The following BCAR1 variants were observed in gnomAD, a reference collection of about 807,000 sequenced individuals.
The protein encoded by BCAR1 is breast cancer anti-estrogen resistance protein 1.
Under a neutral mutation model 67.6 loss-of-function variants are expected in BCAR1, and 30 were observed. The ratio of observed to expected loss-of-function variants is 0.44; its 90% confidence interval spans 0.33 to 0.60. BCAR1 has a LOEUF of 0.60. Ranked by LOEUF, BCAR1 falls within the 20% of genes least tolerant of loss-of-function variation. The pLI is 0.02. For synonymous variants in BCAR1, 626 were observed against 556.7 expected (o/e 1.12, Z -1.75); for missense variants, 1,313 against 1,222.3 (o/e 1.07, Z -1.11).
At chr16:75,238,568 C>T in intron 2 of BCAR1, 1 of 989,024 alleles carries the variant, frequency 1.0e-6, no homozygotes, top group Non-Finnish European at 1.2e-6. Context: ...GCGCCAGCAC[C>T]CCCCAGCAGC....
At chr16:75,260,882 A>G (rs1159545830) in intron 1 of BCAR1, among the ~76,000 whole-genome samples, 1 of 152,204 alleles carries the variant, frequency 6.6e-6, no homozygotes, top group African/African-American at 2.4e-5. Context: ...GCTTTCTGGG[A>G]TAATTCTTCC....
rs544526677 is a variant in BCAR1 at position 75,229,539 on chromosome 16, C to T, written c.2585G>A (p.Arg862His). The change falls in exon 7 of 7, where the codon CGC becomes CAC. Residue 862 changes from arginine (R) to histidine (H), a missense_variant. By Grantham distance (29) the Arg-to-His change is conservative. Transcript: ENST00000162330. Reference sequence around the variant, plus strand: ...GGCGGCTGCCAGCTGGCCTAGGACGCGGCGGAACTGCTGGGTGCTGTGGCC... The same window carrying T: ...GGCGGCTGCCAGCTGGCCTAGGACGTGGCGGAACTGCTGGGTGCTGTGGCC... ...ELGHSTQQFRRVLGQLAAA is the reference protein window; with the variant it reads ...ELGHSTQQFRHVLGQLAAA The T allele has an allele frequency of 1.0e-5, 16 of 1,596,480 alleles. No individual in the cohort carries two copies. Among genetic ancestry groups the T allele is most frequent in the Admixed American group, 5.1e-5 (3 of 59,176 alleles).
chr16:75,244,876 G>A (rs2077466871), intron 1 of BCAR1, among the ~76,000 whole-genome samples: 2 of 152,260 alleles, frequency 1.3e-5, no homozygotes, highest in African/African-American at 4.8e-5. Flanking sequence ...TCAAGAAAAT[G>A]TCCTGTGAAA....
chr16:75,232,026 C>G (rs976539000), intron 6 of BCAR1, among the ~76,000 whole-genome samples: 5 of 151,852 alleles, frequency 3.3e-5, no homozygotes, highest in Middle Eastern at 3.2e-3. Flanking sequence ...GGATTACAGG[C>G]ATGTGCCACC....
At chr16:75,252,903 T>C (rs2077708639), upstream of BCAR1, among the ~76,000 whole-genome samples, 1 of 152,172 alleles carries the variant, frequency 6.6e-6, no homozygotes, top group African/African-American at 2.4e-5. Flanking sequence ...GCTCAGGTGC[T>C]CTGGGGAGCT....
chr16:75,237,481 C>G, intron 2 of BCAR1, 137 bp from the exon 3 acceptor site: 1 of 1,052,254 alleles, frequency 9.5e-7, no homozygotes, highest in East Asian at 3.2e-5. Flanking sequence ...CCAAGGATGC[C>G]AGTTCTCACC....
chr16:75,246,772 G>C (rs1218595705), intron 1 of BCAR1: 2 of 152,376 alleles, frequency 1.3e-5, no homozygotes, highest in African/African-American at 2.4e-5. Context: ...CGGAACCCCT[G>C]CCATGCTTCA....
chr16:75,262,733 A>C (rs1271777523), intron 1 of BCAR1, among the ~76,000 whole-genome samples: 3 of 152,138 alleles, frequency 2.0e-5, no homozygotes, highest in African/African-American at 7.2e-5. Context: ...CCAAGGTTTC[A>C]ACCAGATGCT....
rs775988878 is a variant in BCAR1 at position 75,235,891 on chromosome 16, G to A, written c.1008C>T (p.Ala336=). The A allele has an allele frequency of 2.3e-5, 36 of 1,563,566 alleles. No individual in the cohort carries two copies. Among genetic ancestry groups the A allele is most frequent in the Non-Finnish European group, 3.1e-5 (36 of 1,154,730 alleles). ...TYDVPPAFAK[A]KPFDPARTPL... is the part of the protein sequence containing the mutation. ...GGGTGCGGGCCGGGTCAAAGGGCTT[G>A]GCCTTGGCGAAGGCGGGGGGCACAT... is the stretch of plus-strand genomic sequence containing the variant. The change falls in exon 5 of 7, where the codon GCC becomes GCT. Residue 336 remains alanine, a synonymous_variant. Transcript: ENST00000162330.
chr16:75,236,865 C>T lies in BCAR1; in HGVS notation c.912+17G>A. ...CAGCCTCAGCCTGGCCCTGGCATTGCCCTGGCATTTGCTCACTGCGTGGTG... is the reference window on the plus strand; with the variant it reads ...CAGCCTCAGCCTGGCCCTGGCATTGTCCTGGCATTTGCTCACTGCGTGGTG... On this transcript the variant is annotated intron_variant, in intron 4 of 6. Transcript: ENST00000162330. 6.2e-7 allele frequency: 1 copy of T among 1,609,434 alleles called. No individual in the cohort carries two copies. The highest frequency in any genetic ancestry group is 1.3e-5 in the African/African-American group (1 of 75,012).
chr16:75,250,908 C>A (rs1443296733), intron 1 of BCAR1: 4 of 985,418 alleles, frequency 4.1e-6, no homozygotes, highest in African/African-American at 1.7e-5. Flanking sequence ...ACTCCCGCTC[C>A]GCTCCCGGAA....
chr16:75,240,914 AGCCTCGAG>A (rs921574612), intron 2 of BCAR1, among the ~76,000 whole-genome samples: 2 of 152,218 alleles, frequency 1.3e-5, no homozygotes, highest in African/African-American at 4.8e-5. Flanking sequence ...GCCAAAACAC[AGCCTCGAG>A]GCCGGGCTCT....
chr16:75,236,743 A>T, intron 4 of BCAR1, 139 bp downstream of exon 4: 2 of 1,369,094 alleles, frequency 1.5e-6, no homozygotes, highest in Non-Finnish European at 1.9e-6. Context: ...TCTGTCAACC[A>T]TCCAGAACCA....
intron 2 of BCAR1, among the ~76,000 whole-genome samples, chr16:75,240,252 A>G (rs183744222): frequency 9.9e-5 from 15 of 152,150 alleles, no homozygotes; most frequent in African/African-American, 2.9e-4. Context: ...CCAGCCAACC[A>G]CTACCCTGGA....
chr16:75,251,542 C>A lies in BCAR1; in HGVS notation c.-60G>T, dbSNP rs1452539618. On this transcript the variant is annotated 5_prime_UTR_variant, in exon 1 of 7. Coordinates refer to ENST00000162330, the MANE Select transcript of BCAR1 (RefSeq NM_014567.5). ...GGGGCGCACACCGAGCTGCCCGGGC[C>A]GCGTGCCCTCGGGGCTCCGAGCGCG... The A allele has an allele frequency of 4.2e-6, 5 of 1,185,692 alleles. No individual in the cohort carries two copies. Among genetic ancestry groups the A allele is most frequent in the Non-Finnish European group, 4.2e-6 (4 of 958,328 alleles). The allele number at this position is 1,185,692 out of a possible 1,614,324, so 73.4% of individuals were successfully genotyped here.
chr16:75,267,986 C>T, exon 1 of BCAR1: 1 of 1,573,620 alleles, frequency 6.4e-7, no homozygotes, highest in Non-Finnish European at 8.6e-7. Context: ...TGCATGCCCT[C>T]TCCTGACACT....
intron 1 of BCAR1, chr16:75,248,508 C>T (rs2077588131): frequency 1.1e-5 from 3 of 273,724 alleles, no homozygotes; most frequent in African/African-American, 6.7e-5. Flanking sequence ...TTGGTCCTGG[C>T]CTCAGGCTCT....
At chr16:75,245,497 C>CG (rs2077486384) in intron 1 of BCAR1, among the ~76,000 whole-genome samples, 1 of 152,192 alleles carries the variant, frequency 6.6e-6, no homozygotes, top group Admixed American at 6.5e-5. Context: ...GCAGGGAGGC[C>CG]GGGGGCTCTG....
rs2076995388 is a variant in BCAR1 at position 75,233,991 on chromosome 16, G to C, written c.2011-56C>G. 6 of 1,523,390 alleles carry C rather than the reference G, an allele frequency of 3.9e-6. No homozygotes were observed. In the African/African-American group the frequency reaches 6.9e-5, roughly 17 times the overall value. The allele number at this position is 1,523,390 out of a possible 1,614,324, so 94.4% of individuals were successfully genotyped here. A position where few individuals can be genotyped will look rare whatever the true frequency, so the allele number is the denominator to read the frequency against. On this transcript the variant is annotated intron_variant, in intron 5 of 6. Coordinates refer to ENST00000162330, the MANE Select transcript of BCAR1 (RefSeq NM_014567.5). ...GCCAGTTTTCTGAGCCAGAAGCACA[G>C]GCCAGCCCTGTGGCGGGCGCAGTGA... is the stretch of plus-strand genomic sequence containing the variant.
Sources: allele counts gnomAD v4.1 joint callset (sites outside exome capture counted in the v4.1 genomes callset), GRCh38; gene constraint gnomAD v4.1.1; transcripts MANE v1.5; gene names NCBI Gene and HGNC (gene_info 2026-07-23, HGNC 2026-07-21).